The following RPN1 variants were observed in gnomAD, a reference collection of about 807,000 sequenced individuals.
RPN1 encodes the protein dolichyl-diphosphooligosaccharide--protein glycosyltransferase subunit 1.
In RPN1, 12 loss-of-function variants were observed where a neutral mutation model predicts 55.5. The ratio of observed to expected loss-of-function variants is 0.22; its 90% CI spans 0.14 to 0.35. RPN1 has a LOEUF of 0.35. Ranked by LOEUF, RPN1 falls within the 10% of genes least tolerant of loss-of-function variation. RPN1 has a pLI of 1.00. For synonymous variants in RPN1, 317 were observed against 305.9 expected, an observed-to-expected ratio of 1.04 and a Z score of -0.38; for missense variants, 679 against 761.3, an observed-to-expected ratio of 0.89 and a Z score of 1.27.
At chr3:128,642,862 CA>C (rs1267374843) in intron 2 of RPN1, among the ~76,000 whole-genome samples, 1 of 150,252 alleles carries the variant, frequency 6.7e-6, no homozygotes. Context: ...ACTAAAATTA[CA>C]AAAAATTAAC....
intron 8 of RPN1, among the ~76,000 whole-genome samples, 156 bp from the exon 9 acceptor site, chr3:128,622,565 A>C (rs1474694123): frequency 6.6e-6 from 1 of 152,160 alleles, no homozygotes; most frequent in Non-Finnish European, 1.5e-5. Context: ...CCTAATCTGG[A>C]CCAGGTTCAG....
chr3:128,648,945 G>A (rs1291638489), intron 1 of RPN1, among the ~76,000 whole-genome samples: 2 of 152,182 alleles, frequency 1.3e-5, no homozygotes, highest in African/African-American at 4.8e-5. Flanking sequence ...ACAGACTACA[G>A]CCTCCTTGCC....
At chr3:128,620,674 C>T in intron 9 of RPN1, 81 bp from the exon 10 acceptor site, 1 of 1,434,544 alleles carries the variant, frequency 7.0e-7, no homozygotes, top group South Asian at 1.3e-5. Flanking sequence ...CCCAGGCCTA[C>T]AGACCCCAGA....
At position 128,620,096 on chromosome 3, in the gene RPN1, G is replaced by T; in HGVS notation, c.*315C>A. The stretch of plus-strand genomic sequence containing the variant: ...AGGGCATAAAACAGGGGGCTTTATA[G>T]GCTGAAAAATATCTTAGACTTCAGA... On this transcript the variant is annotated 3_prime_UTR_variant, in exon 10 of 10. Transcript: ENST00000296255. The T allele has an allele frequency of 3.9e-6, 1 of 253,864 alleles. No homozygotes were observed. The highest frequency in any genetic ancestry group is 7.5e-6 in the Non-Finnish European group (1 of 133,704). 15.7% of individuals were successfully genotyped at this position (253,864 alleles called of 1,614,324 possible).
chr3:128,638,641 T>C (rs1369314957), intron 2 of RPN1, among the ~76,000 whole-genome samples: 1 of 152,090 alleles, frequency 6.6e-6, no homozygotes, highest in East Asian at 1.9e-4. Context: ...CACCATGTCC[T>C]GTTAATAAAA....
chr3:128,644,765 C>A, intron 2 of RPN1, 154 bp downstream of exon 2: 1 of 647,768 alleles, frequency 1.5e-6, no homozygotes, highest in Non-Finnish European at 2.8e-6. Flanking sequence ...TCAAGACCAG[C>A]CTGGGCAACA....
intron 2 of RPN1, among the ~76,000 whole-genome samples, chr3:128,642,956 G>T (rs1050638397): frequency 2.6e-5 from 4 of 151,888 alleles, no homozygotes; most frequent in African/African-American, 9.7e-5. Flanking sequence ...GGCGGAGGTT[G>T]CAGTGAGCCG....
intron 3 of RPN1, among the ~76,000 whole-genome samples, chr3:128,636,255 G>A (rs1173378741): frequency 6.6e-6 from 1 of 152,090 alleles, no homozygotes; most frequent in Non-Finnish European, 1.5e-5. Context: ...GAGCTCAGGA[G>A]TTCAAGACCA....
At position 128,626,660 on chromosome 3, in the gene RPN1, A is replaced by G; in HGVS notation, c.1136+73T>C. On this transcript the variant is annotated intron_variant, in intron 6 of 9. Coordinates refer to ENST00000296255, the MANE Select transcript of RPN1 (RefSeq NM_002950.4). ...CACAAAGACTGTGCCCCTAGAACAT[A>G]GGCTCTCCTTAGGGTACCACAAGGG... 3 of 1,304,968 alleles carry G rather than the reference A, an allele frequency of 2.3e-6. No homozygotes were observed. The South Asian group carries it at 3.5e-5, about 15-fold the overall frequency. The allele number at this position is 1,304,968 out of a possible 1,614,324, so 80.8% of individuals were successfully genotyped here. A position where few individuals can be genotyped will look rare whatever the true frequency, so the allele number is the denominator to read the frequency against.
At chr3:128,623,914 C>T (rs772904989) in intron 8 of RPN1, among the ~76,000 whole-genome samples, 2 of 152,096 alleles carry the variant, frequency 1.3e-5, no homozygotes, top group Non-Finnish European at 2.9e-5. Context: ...TCTCAGGCTA[C>T]ACACATGCTC....
intron 2 of RPN1, among the ~76,000 whole-genome samples, chr3:128,642,973 C>T (rs1329144362): frequency 2.0e-5 from 3 of 150,760 alleles, no homozygotes; most frequent in Non-Finnish European, 4.4e-5. Flanking sequence ...GCCGAGATCA[C>T]GTGCCATTGC....
chr3:128,650,445 T>G lies in RPN1; in HGVS notation c.261+95A>C. ...CCGCCGCCCGGGTCTCCGCATTTCC[T>G]GAGGCCTAGAGGGGCGCGGGCGGAG... On this transcript the variant is annotated intron_variant, in intron 1 of 9. Coordinates refer to ENST00000296255, the MANE Select transcript of RPN1 (RefSeq NM_002950.4). 2.4e-6 allele frequency: 3 copies of G among 1,272,740 alleles called. No individual in the cohort carries two copies. The South Asian group carries it at 4.6e-5, about 19-fold the overall frequency. The allele number at this position is 1,272,740 out of a possible 1,614,324, so 78.8% of individuals were successfully genotyped here.
At chr3:128,629,837 C>A (rs953079983) in intron 5 of RPN1, 114 bp downstream of exon 5, 1 of 610,778 alleles carries the variant, frequency 1.6e-6, no homozygotes, top group Non-Finnish European at 2.9e-6. Context: ...ATAAAACCAG[C>A]CTTCCTCAGA....
chr3:128,630,198 T>C lies in RPN1; in HGVS notation c.844-55A>G, dbSNP rs113558896. Reference sequence around the variant, plus strand: ...ACTCCAGGAACCAGCTGAGAGGAAATGATCCTAAACACAGAAGACTTCCTG... The same window carrying C: ...ACTCCAGGAACCAGCTGAGAGGAAACGATCCTAAACACAGAAGACTTCCTG... On this transcript the variant is annotated intron_variant, in intron 4 of 9. Transcript: ENST00000296255. 14 of 1,277,742 alleles carry C rather than the reference T, an allele frequency of 1.1e-5. No individual in the cohort carries two copies. The African/African-American group carries it at 1.3e-4, about 12-fold the overall frequency. The allele number at this position is 1,277,742 out of a possible 1,614,324, so 79.2% of individuals were successfully genotyped here. A position where few individuals can be genotyped will look rare whatever the true frequency, so the allele number is the denominator to read the frequency against.
chr3:128,650,712 G>A lies in RPN1; in HGVS notation c.89C>T (p.Pro30Leu), dbSNP rs1309672978. 1 of 1,567,384 alleles carries A rather than the reference G, an allele frequency of 6.4e-7. No individual in the cohort carries two copies. Residue 30 changes from proline to leucine, a missense_variant, in exon 1 of 10, where the codon CCG becomes CTG. Physicochemically the swap from Pro to Leu is moderately conservative, Grantham distance 98 (BLOSUM62 -3). Transcript: ENST00000296255. ...APGSASSEAP[P>L]LINEDVKRTV... Reference sequence around the variant, plus strand: ...GCGCTTCACGTCCTCATTGATCAGCGGCGGTGCCTCGGAGGAGGCGCTGCC... The same window carrying A: ...GCGCTTCACGTCCTCATTGATCAGCAGCGGTGCCTCGGAGGAGGCGCTGCC...
rs529350001 is a variant in RPN1 at position 128,620,409 on chromosome 3, G to C, written c.*2C>G. 1 of 1,611,992 alleles carries C rather than the reference G, an allele frequency of 6.2e-7. No individual in the cohort carries two copies. The highest frequency in any genetic ancestry group is 1.3e-5 in the African/African-American group (1 of 74,972). The stretch of plus-strand genomic sequence containing the variant: ...GGGCCCCCTGGAGGATGCGGGCAGG[G>C]GCTACAGGGCATCCAGGATGTGGTC... On this transcript the variant is annotated 3_prime_UTR_variant, in exon 10 of 10. Transcript: ENST00000296255.
At chr3:128,645,761 G>A (rs2069762344) in intron 1 of RPN1, among the ~76,000 whole-genome samples, 1 of 152,114 alleles carries the variant, frequency 6.6e-6, no homozygotes, top group Non-Finnish European at 1.5e-5. Context: ...AGGTTGCAGT[G>A]AGCCGAGATT....
intron 6 of RPN1, 148 bp downstream of exon 6, chr3:128,626,585 A>G: frequency 3.0e-6 from 2 of 665,904 alleles, no homozygotes; most frequent in Non-Finnish European, 5.2e-6. Flanking sequence ...ATGTGACTCA[A>G]GAGAGGCCAA....
At chr3:128,630,909 C>T (rs938760718) in intron 4 of RPN1, among the ~76,000 whole-genome samples, 2 of 142,002 alleles carry the variant, frequency 1.4e-5, no homozygotes, top group Admixed American at 7.2e-5. Flanking sequence ...GTCAGAAGAT[C>T]GAGACCATCC....
Sources: allele counts gnomAD v4.1 joint callset (sites outside exome capture counted in the v4.1 genomes callset), GRCh38; gene constraint gnomAD v4.1.1; transcripts MANE v1.5; gene names NCBI Gene and HGNC (gene_info 2026-07-23, HGNC 2026-07-21).